Variants in NUDT6 observed in about 807,000 individuals in gnomAD.
NUDT6 encodes the protein nudix hydrolase 6.
Under a neutral mutation model 36.8 loss-of-function variants are expected in NUDT6, and 24 were observed. The ratio of observed to expected loss-of-function variants is 0.65; its 90% confidence interval spans 0.47 to 0.92. The LOEUF (loss-of-function observed/expected upper bound fraction) is 0.92. NUDT6 is among the 40% of genes least tolerant of loss of function. NUDT6 has a pLI of 0.00. For synonymous variants in NUDT6, 163 were observed against 157.0 expected, an observed-to-expected ratio of 1.04 and a Z score of -0.29; for missense variants, 388 against 392.8, an observed-to-expected ratio of 0.99 and a Z score of 0.10.
chr4:122,905,550 G>A (rs1701128382), intron 3 of NUDT6, among the ~76,000 whole-genome samples: 2 of 152,150 alleles, frequency 1.3e-5, no homozygotes. Flanking sequence ...TCTATGTGCT[G>A]TTATACTTTA....
At chr4:122,922,755 C>A (rs1318452007), upstream of NUDT6, 5 of 601,146 alleles carry the variant, frequency 8.3e-6, no homozygotes, top group East Asian at 1.4e-4. Flanking sequence ...GCAATTTGCC[C>A]CGCTCCAGTT....
chr4:122,900,086 C>T (rs1345662053), intron 3 of NUDT6, among the ~76,000 whole-genome samples: 1 of 147,588 alleles, frequency 6.8e-6, no homozygotes, highest in Admixed American at 6.8e-5. Flanking sequence ...CCACCACTGC[C>T]CCAGAGAGAT....
chr4:122,901,899 C>A (rs186910521), intron 3 of NUDT6, among the ~76,000 whole-genome samples: 11 of 152,292 alleles, frequency 7.2e-5, no homozygotes, highest in African/African-American at 2.6e-4. Flanking sequence ...CTACTAATTT[C>A]TTTCAGCCAT....
chr4:122,900,932 T>C (rs1477761834), intron 3 of NUDT6, among the ~76,000 whole-genome samples: 1 of 152,182 alleles, frequency 6.6e-6, no homozygotes, highest in Non-Finnish European at 1.5e-5. Context: ...TATTGTTTTA[T>C]GGCAAAAAAA....
At position 122,918,490 on chromosome 4, in the gene NUDT6, A is replaced by G. The variant is rs2150810771; in HGVS notation, c.239-786T>C. On this transcript the variant is annotated intron_variant, in intron 1 of 4. Transcript: ENST00000304430. ...TTATGGGTGAAGAAATAAATACTTC[A>G]GATTTAGAGTTTTTAGAAAAGCTTT... is the stretch of plus-strand genomic sequence containing the variant. The G allele has an allele frequency of 3.3e-5, 5 of 152,368 alleles. No homozygotes were observed. In the Middle Eastern group the frequency reaches 0.017, roughly 518 times the overall value. 9.4% of individuals were successfully genotyped at this position (152,368 alleles called of 1,614,324 possible). A position where few individuals can be genotyped will look rare whatever the true frequency, so the allele number is the denominator to read the frequency against.
At chr4:122,907,524 C>T (rs1727643728) in intron 3 of NUDT6, among the ~76,000 whole-genome samples, 3 of 147,970 alleles carry the variant, frequency 2.0e-5, no homozygotes, top group Non-Finnish European at 1.5e-5. Context: ...GATCTTGGCT[C>T]ACTGCAACCT....
rs192986369 is a variant in NUDT6, at chr4:122,915,827, G to A, written c.442+1674C>T. On this transcript the variant is annotated intron_variant, in intron 2 of 4. Coordinates refer to ENST00000304430, the MANE Select transcript of NUDT6 (RefSeq NM_007083.5). Reference sequence around the variant, plus strand: ...ACTAAATTATTGAGTAGAATCTTTTGAAATAGAGCTGAACGGAGAGTTTCT... The same window carrying A: ...ACTAAATTATTGAGTAGAATCTTTTAAAATAGAGCTGAACGGAGAGTTTCT... Among the ~76,000 whole-genome samples, 262 of 152,264 alleles carry A rather than the reference G, an allele frequency of 1.7e-3. 2 individuals are homozygous for A. The highest frequency in any genetic ancestry group is 1.8e-3 in the Non-Finnish European group (125 of 68,014).
At chr4:122,900,057 A>ACACCCCCCCCCCCCC (rs376050692) in intron 3 of NUDT6, among the ~76,000 whole-genome samples, 3 of 88,680 alleles carry the variant, frequency 3.4e-5, no homozygotes, top group Admixed American at 1.2e-4. Flanking sequence ...CACCCCCGCC[A>ACACCCCCCCCCCCCC]CCCCCCCCCC....
chr4:122,902,125 A>G (rs1727535508), intron 3 of NUDT6, among the ~76,000 whole-genome samples: 1 of 152,234 alleles, frequency 6.6e-6, no homozygotes, highest in African/African-American at 2.4e-5. Context: ...ATACAATATT[A>G]TCACTGTTAC....
chr4:122,911,937 C>T (rs998662280), intron 3 of NUDT6, among the ~76,000 whole-genome samples: 1 of 152,174 alleles, frequency 6.6e-6, no homozygotes, highest in African/African-American at 2.4e-5. Context: ...CTGGGCCACA[C>T]TGAACTTTTT....
chr4:122,917,583 C>T lies in NUDT6; in HGVS notation c.360G>A (p.Ser120=), dbSNP rs1371886025. ...SLGFCFHHAE[S]DSSTLTLWLR... is the part of the protein sequence containing the mutation. ...GCCACAGAGTCAACGTTGATGAATC[C>T]GATTCTGCGTGGTGAAAGCAGAAGC... is the stretch of plus-strand genomic sequence containing the variant. Residue 120 remains serine, a synonymous_variant, in exon 2 of 5, where the codon TCG becomes TCA. Coordinates refer to ENST00000304430, the MANE Select transcript of NUDT6 (RefSeq NM_007083.5). The T allele has an allele frequency of 1.2e-5, 20 of 1,614,098 alleles. No homozygotes were observed. Among genetic ancestry groups the T allele is most frequent in the Middle Eastern group, 1.6e-4 (1 of 6,062 alleles).
intron 4 of NUDT6, chr4:122,896,650 T>C (rs552393727): frequency 6.6e-6 from 1 of 152,186 alleles, no homozygotes; most frequent in African/African-American, 2.4e-5. Flanking sequence ...CAAGATTGGC[T>C]AGAGATATAT....
chr4:122,895,664 T>A (rs1727327566), intron 4 of NUDT6: 1 of 152,220 alleles, frequency 6.6e-6, no homozygotes, highest in South Asian at 2.1e-4. Context: ...TATTATTTTA[T>A]ACAAAAGCCT....
rs901307514 is a variant in NUDT6 at position 122,892,694 on chromosome 4, G to GT, written c.*133dup. The GT allele has an allele frequency of 9.6e-5, 130 of 1,357,848 alleles. No homozygotes were observed. The highest frequency in any genetic ancestry group is 1.0e-4 in the Non-Finnish European group (102 of 1,024,802). 84.1% of individuals were successfully genotyped at this position (1,357,848 alleles called of 1,614,324 possible). A position where few individuals can be genotyped will look rare whatever the true frequency, so the allele number is the denominator to read the frequency against. ...GAAAAGAGGCTTTTAAAATGTGCAT[G>GT]TTTAGAAACAAAATTTCTTCATGGA... is the stretch of plus-strand genomic sequence containing the variant. On this transcript the variant is annotated 3_prime_UTR_variant, in exon 5 of 5. Transcript: ENST00000304430.
chr4:122,899,802 G>A (rs1727473880), intron 3 of NUDT6, among the ~76,000 whole-genome samples: 2 of 152,252 alleles, frequency 1.3e-5, no homozygotes, highest in South Asian at 4.2e-4. Context: ...CTGGGCAACA[G>A]AGTGAGACCC....
intron 2 of NUDT6, chr4:122,913,368 T>C (rs1181345254): frequency 6.6e-6 from 1 of 152,176 alleles, no homozygotes; most frequent in Admixed American, 6.5e-5. Flanking sequence ...ATCCCATTCA[T>C]GGGAGCTCTG....
chr4:122,893,119 C>T lies in NUDT6; in HGVS notation c.660G>A (p.Lys220=). 1.2e-6 allele frequency: 2 copies of T among 1,614,158 alleles called. No homozygotes were observed. Among genetic ancestry groups the T allele is most frequent in the Non-Finnish European group, 1.7e-6 (2 of 1,180,032 alleles). ...GGCGGCAGATGATATACATATCTGA[C>T]TTCCCAAAAGCTCCAGGATTTGTGT... ...QQHTNPGAFG[K]SDMYIICRLK... Residue 220 remains lysine (K), a synonymous_variant, in exon 5 of 5, where the codon AAG becomes AAA. Coordinates refer to ENST00000304430, the MANE Select transcript of NUDT6 (RefSeq NM_007083.5).
chr4:122,921,512 C>T (rs533138966), intron 1 of NUDT6: 2 of 142,018 alleles, frequency 1.4e-5, no homozygotes, highest in Non-Finnish European at 3.0e-5. Context: ...GGGAGGATTG[C>T]TTGAGCTCAG....
intron 3 of NUDT6, among the ~76,000 whole-genome samples, chr4:122,899,201 A>AG (rs1342383983): frequency 1.3e-5 from 2 of 151,874 alleles, no homozygotes; most frequent in Non-Finnish European, 2.9e-5. Context: ...TTCTAACAAA[A>AG]GAAAAGTTAT....
Sources: allele counts gnomAD v4.1 joint callset (sites outside exome capture counted in the v4.1 genomes callset), GRCh38; gene constraint gnomAD v4.1.1; transcripts MANE v1.5; gene names NCBI Gene and HGNC (gene_info 2026-07-23, HGNC 2026-07-21).